The following MTHFD2L variants were observed in gnomAD, a reference collection of about 807,000 sequenced individuals.
MTHFD2L encodes the protein bifunctional methylenetetrahydrofolate dehydrogenase/cyclohydrolase 2, mitochondrial.
A neutral mutation model predicts 34.9 loss-of-function variants in MTHFD2L; 29 were observed. The observed-to-expected ratio is 0.83, with a 90% CI of 0.62 to 1.13. The LOEUF (loss-of-function observed/expected upper bound fraction) is 1.13. MTHFD2L is among the 50% of genes most tolerant of loss of function. The probability of loss-of-function intolerance (pLI) is 0.00; values close to 1 mark genes in which losing one functional copy is unlikely to be tolerated. For missense variants in MTHFD2L, 481 were observed against 446.5 expected (o/e 1.08, Z -0.70); for synonymous variants, 167 against 155.7 (o/e 1.07, Z -0.54).
intron 6 of MTHFD2L, among the ~76,000 whole-genome samples, chr4:74,234,659 G>C (rs1486840051): frequency 6.6e-6 from 1 of 151,932 alleles, no homozygotes; most frequent in Non-Finnish European, 1.5e-5. Flanking sequence ...TATAAACTTG[G>C]TTCAGCTCTT....
At chr4:74,234,796 AGTGTGT>A (rs139133412) in intron 6 of MTHFD2L, among the ~76,000 whole-genome samples, 37 of 149,536 alleles carry the variant, frequency 2.5e-4, no homozygotes, top group East Asian at 9.8e-4. Context: ...AAAAGGAGAC[AGTGTGT>A]GTGTGTGTGT....
At chr4:74,166,600 A>G (rs1726760137) in intron 1 of MTHFD2L, among the ~76,000 whole-genome samples, 1 of 152,218 alleles carries the variant, frequency 6.6e-6, no homozygotes. Context: ...TTGATTAATA[A>G]TGACCAACAA....
intron 1 of MTHFD2L, among the ~76,000 whole-genome samples, chr4:74,159,545 T>A (rs933429343): frequency 6.6e-6 from 1 of 152,258 alleles, no homozygotes; most frequent in Non-Finnish European, 1.5e-5. Flanking sequence ...AATTTCCCTG[T>A]CAGCTTGCTG....
At chr4:74,215,811 G>T (rs1248944575) in intron 5 of MTHFD2L, among the ~76,000 whole-genome samples, 1 of 151,662 alleles carries the variant, frequency 6.6e-6, no homozygotes, top group Non-Finnish European at 1.5e-5. Flanking sequence ...CTAAATATAG[G>T]CATATTATTA....
At chr4:74,151,531 G>A (rs1423656964) in intron 1 of MTHFD2L, among the ~76,000 whole-genome samples, 1 of 152,158 alleles carries the variant, frequency 6.6e-6, no homozygotes, top group Non-Finnish European at 1.5e-5. Flanking sequence ...CTTGATAGCT[G>A]TAGGTCTTGG....
Position 74,172,341 on chromosome 4 carries a change from A to T in MTHFD2L, c.144-2165A>T, listed in dbSNP as rs143060532. 1.3e-4 allele frequency among the ~76,000 whole-genome samples: 20 copies of T among 152,350 alleles called. No individual in the cohort carries two copies. The South Asian group carries it at 2.7e-3, about 20-fold the overall frequency. ...TTAAATATGTCCAGTTTATTATATG[A>T]CAATTATACTGAATAAATCTTTTAC... On this transcript the variant is annotated intron_variant, in intron 1 of 7. Transcript: ENST00000325278.
At chr4:74,258,363 A>T (rs1335449300) in intron 6 of MTHFD2L, among the ~76,000 whole-genome samples, 4 of 151,958 alleles carry the variant, frequency 2.6e-5, no homozygotes, top group African/African-American at 7.3e-5. Flanking sequence ...TAAAGAAAAT[A>T]TGAGATAGCT....
intron 1 of MTHFD2L, among the ~76,000 whole-genome samples, chr4:74,125,926 A>G (rs867214766): frequency 2.0e-5 from 3 of 152,196 alleles, no homozygotes; most frequent in South Asian, 2.1e-4. Flanking sequence ...CTCGAAGTGA[A>G]TAAAAGTTAG....
At chr4:74,275,969 T>A (rs6446985) in intron 6 of MTHFD2L, among the ~76,000 whole-genome samples, 56,933 of 151,966 alleles carry the variant, frequency 0.37, 13,679 homozygotes, top group African/African-American at 0.69. Context: ...CCATTTGTCG[T>A]TTTTAGCTTT....
At chr4:74,238,552 G>T (rs1186970640) in intron 6 of MTHFD2L, among the ~76,000 whole-genome samples, 1 of 152,062 alleles carries the variant, frequency 6.6e-6, no homozygotes, top group Non-Finnish European at 1.5e-5. Flanking sequence ...GAATGAACAG[G>T]CAACCTACAG....
intron 1 of MTHFD2L, among the ~76,000 whole-genome samples, chr4:74,132,649 G>C (rs1204297830): frequency 6.6e-6 from 1 of 152,026 alleles, no homozygotes; most frequent in East Asian, 1.9e-4. Context: ...ATGACGGGTT[G>C]ATGGGTGCAG....
chr4:74,129,476 T>C (rs192420266), intron 1 of MTHFD2L, among the ~76,000 whole-genome samples: 19 of 151,908 alleles, frequency 1.3e-4, no homozygotes, highest in African/African-American at 1.9e-4. Context: ...AACTGAACAA[T>C]CTGCTCCCGG....
intron 1 of MTHFD2L, among the ~76,000 whole-genome samples, chr4:74,162,632 C>T (rs1302930267): frequency 1.3e-5 from 2 of 151,222 alleles, no homozygotes; most frequent in African/African-American, 4.9e-5. Context: ...AGCTCTTAGT[C>T]AGTGGTAAGC....
In MTHFD2L at chr4:74,294,463, C is replaced by G. The variant is rs372094301; in HGVS notation, c.932-7234C>G. On this transcript the variant is annotated intron_variant, in intron 7 of 7. Coordinates refer to ENST00000325278, the MANE Select transcript of MTHFD2L (RefSeq NM_001144978.3). ...ACAGAACACACCAGCTGGAGACACC[C>G]TGTCATGAAGGATGGATTGATGGTG... Among the ~76,000 whole-genome samples the G allele has an allele frequency of 3.9e-5, 6 of 152,104 alleles. No individual in the cohort carries two copies. The East Asian group carries it at 1.2e-3, about 29-fold the overall frequency.
At chr4:74,295,168 A>G (rs1749476623) in intron 7 of MTHFD2L, among the ~76,000 whole-genome samples, 1 of 152,038 alleles carries the variant, frequency 6.6e-6, no homozygotes, top group Non-Finnish European at 1.5e-5. Context: ...TCTTGACCCC[A>G]TATAGCCCAT....
intron 1 of MTHFD2L, among the ~76,000 whole-genome samples, chr4:74,137,740 C>T (rs760613185): frequency 2.7e-4 from 41 of 152,008 alleles, no homozygotes; most frequent in African/African-American, 6.5e-4. Context: ...ATAAAGAAAA[C>T]GTGGTACATA....
chr4:74,236,765 T>C (rs147809603), intron 6 of MTHFD2L, among the ~76,000 whole-genome samples: 4 of 152,378 alleles, frequency 2.6e-5, no homozygotes, highest in African/African-American at 9.6e-5. Flanking sequence ...AACTTTTATG[T>C]GCCTTTTTGG....
chr4:74,228,916 C>G (rs2110132761), intron 6 of MTHFD2L, among the ~76,000 whole-genome samples: 2 of 152,282 alleles, frequency 1.3e-5, no homozygotes, highest in Middle Eastern at 3.4e-3. Flanking sequence ...AGGTGAGCAG[C>G]TACTTCAGAT....
rs1037363259 is a variant in MTHFD2L, at chr4:74,293,405, C to T, written c.932-8292C>T. The T allele has an allele frequency of 2.4e-5, 9 of 374,336 alleles. No individual in the cohort carries two copies. The South Asian group carries it at 7.6e-4, about 32-fold the overall frequency. The allele number at this position is 374,336 out of a possible 1,614,324, so 23.2% of individuals were successfully genotyped here. On this transcript the variant is annotated intron_variant, in intron 7 of 7. Coordinates refer to ENST00000325278, the MANE Select transcript of MTHFD2L (RefSeq NM_001144978.3). ...TAATGTAAAGGAAAATAAAACTTAG[C>T]CACCCTACAAATACAAATTGCAAAG...
Sources: allele counts gnomAD v4.1 joint callset (sites outside exome capture counted in the v4.1 genomes callset), GRCh38; gene constraint gnomAD v4.1.1; transcripts MANE v1.5; gene names NCBI Gene and HGNC (gene_info 2026-07-23, HGNC 2026-07-21).